The following ZNF677 variants were observed in gnomAD, a reference collection of about 807,000 sequenced individuals.
ZNF677 encodes the protein zinc finger protein 677.
ZNF677 carries 5 observed loss-of-function variants against 8.1 expected under a neutral mutation model. The observed-to-expected ratio is 0.62, with a 90% CI of 0.32 to 1.29. The LOEUF (loss-of-function observed/expected upper bound fraction) is 1.29. Among genes scored for constraint, ZNF677 ranks in the 50% most tolerant of loss-of-function variants. The pLI is 0.05. For synonymous variants in ZNF677, 221 were observed against 225.6 expected, an observed-to-expected ratio of 0.98 and a Z score of 0.18; for missense variants, 685 against 685.9, an observed-to-expected ratio of 1.00 and a Z score of 0.01.
chr19:53,237,959 T>C lies in ZNF677; in HGVS notation c.768A>G (p.Thr256=), dbSNP rs1387066620. 7 of 1,612,418 alleles carry C rather than the reference T, an allele frequency of 4.3e-6. No homozygotes were observed. The South Asian group carries it at 7.7e-5, about 18-fold the overall frequency. ...ACTTGTATGATTTTTCTCTAATGTG[T>C]GTTCTCCCATACTGTGTATGTAATA... The part of the protein sequence containing the change: ...YPLLHTQYGR[T]HIREKSYKCN... The change falls in exon 5 of 5, where the codon ACA becomes ACG. Residue 256 remains threonine (T), a synonymous_variant. Transcript: ENST00000598513.
At chr19:53,251,428 T>C (rs950856902) in intron 3 of ZNF677, 108 bp downstream of exon 3, 23 of 858,920 alleles carry the variant, frequency 2.7e-5, no homozygotes, top group Non-Finnish European at 4.5e-5. Context: ...TGGGTGTGAA[T>C]ATACATATTA....
At chr19:53,254,394 C>T (rs892696551) in intron 1 of ZNF677, among the ~76,000 whole-genome samples, 6 of 152,036 alleles carry the variant, frequency 3.9e-5, no homozygotes, top group African/African-American at 1.2e-4. Flanking sequence ...TTTTCAGTCC[C>T]TGCTATTGTT....
At chr19:53,245,071 T>C (rs2091114760) in intron 3 of ZNF677, among the ~76,000 whole-genome samples, 1 of 152,170 alleles carries the variant, frequency 6.6e-6, no homozygotes, top group Non-Finnish European at 1.5e-5. Context: ...AACTGGATGC[T>C]TATCTTATGC....
intron 3 of ZNF677, among the ~76,000 whole-genome samples, chr19:53,247,506 T>C (rs775405585): frequency 1.7e-4 from 26 of 152,196 alleles, no homozygotes; most frequent in Non-Finnish European, 3.4e-4. Flanking sequence ...TTAGATAATC[T>C]TGGTTTAAAG....
chr19:53,239,259 A>G (rs764218682), intron 4 of ZNF677: 1 of 152,254 alleles, frequency 6.6e-6, no homozygotes, highest in East Asian at 1.9e-4. Flanking sequence ...AGGCAAGTTA[A>G]TGAACAACCA....
chr19:53,242,717 A>G (rs571592480), intron 4 of ZNF677: 1 of 273,130 alleles, frequency 3.7e-6, no homozygotes, highest in South Asian at 1.7e-4. Flanking sequence ...AAATAGGAAT[A>G]GAAATTGAAT....
Position 53,236,902 on chromosome 19 carries a change from T to A in ZNF677, c.*70A>T. ...GTATATTCTGGTATCAAGTGAGACA[T>A]AAGCCATAGCTAAAGGCTTTACCAC... On this transcript the variant is annotated 3_prime_UTR_variant, in exon 5 of 5. Transcript: ENST00000598513. 1.5e-6 allele frequency: 2 copies of A among 1,376,066 alleles called. No homozygotes were observed. The highest frequency in any genetic ancestry group is 2.0e-6 in the Non-Finnish European group (2 of 1,022,444). The allele number at this position is 1,376,066 out of a possible 1,614,324, so 85.2% of individuals were successfully genotyped here. A position where few individuals can be genotyped will look rare whatever the true frequency, so the allele number is the denominator to read the frequency against.
At chr19:53,246,045 G>A (rs188474553) in intron 3 of ZNF677, among the ~76,000 whole-genome samples, 5 of 151,776 alleles carry the variant, frequency 3.3e-5, no homozygotes, top group Non-Finnish European at 7.4e-5. Flanking sequence ...CCGGCTGGGT[G>A]CAGTGGCTCA....
At chr19:53,254,760 C>A (rs2091289325) in intron 1 of ZNF677, 74 bp downstream of exon 1, 1 of 152,634 alleles carries the variant, frequency 6.6e-6, no homozygotes, top group Non-Finnish European at 1.5e-5. Context: ...AGGGCGACCC[C>A]AAAACCCGAC....
intron 4 of ZNF677, 83 bp downstream of exon 4, chr19:53,243,661 A>G (rs777520585): frequency 6.3e-7 from 1 of 1,580,902 alleles, no homozygotes; most frequent in Admixed American, 1.8e-5. Flanking sequence ...CCCTTTTAGA[A>G]CAGGGATCGG....
intron 3 of ZNF677, among the ~76,000 whole-genome samples, chr19:53,251,211 G>C (rs1260511200): frequency 6.6e-6 from 1 of 152,130 alleles, no homozygotes; most frequent in Non-Finnish European, 1.5e-5. Context: ...TTTATAAAGA[G>C]ATGAAAGGGT....
intron 3 of ZNF677, among the ~76,000 whole-genome samples, chr19:53,248,804 T>C (rs1274240086): frequency 1.3e-5 from 2 of 152,210 alleles, no homozygotes; most frequent in Non-Finnish European, 2.9e-5. Context: ...CAATTAAAGT[T>C]CACTGAGTTT....
rs1244911162 is a variant in ZNF677, at chr19:53,235,391, C to T, written c.*1581G>A. On this transcript the variant is annotated 3_prime_UTR_variant, in exon 5 of 5. Transcript: ENST00000598513. The stretch of plus-strand genomic sequence containing the variant: ...AAGGCACACGATTCATTCAGGGTTA[C>T]TAAAAATGATTATATTTTACTAATT... 1.3e-5 allele frequency: 2 copies of T among 152,016 alleles called. No individual in the cohort carries two copies. The highest frequency in any genetic ancestry group is 4.8e-5 in the African/African-American group (2 of 41,384). The allele number at this position is 152,016 out of a possible 1,614,324, so 9.4% of individuals were successfully genotyped here.
At position 53,237,734 on chromosome 19, in the gene ZNF677, A is replaced by C. The variant is rs756078015; in HGVS notation, c.993T>G (p.Asn331Lys). Reference protein sequence around the residue: ...CNICGKVCSQNSNLASHQRMH... With the variant: ...CNICGKVCSQKSNLASHQRMH... ...TCCTCTGATGACTTGCAAGATTTGA[A>C]TTTTGACTACAGACCTTGCCACATA... The change falls in exon 5 of 5, where the codon AAT becomes AAG. Residue 331 changes from asparagine to lysine, a missense_variant. Physicochemically the swap from Asn to Lys is moderately conservative, Grantham distance 94. Transcript: ENST00000598513. 4 of 1,613,648 alleles carry C rather than the reference A, an allele frequency of 2.5e-6. No individual in the cohort carries two copies. The African/African-American group carries it at 5.3e-5, about 22-fold the overall frequency.
At chr19:53,253,317 A>G (rs955580785) in intron 1 of ZNF677, among the ~76,000 whole-genome samples, 161 bp from the exon 2 acceptor site, 14 of 152,242 alleles carry the variant, frequency 9.2e-5, no homozygotes, top group Non-Finnish European at 1.9e-4. Flanking sequence ...AAGTGGTAAA[A>G]GATTATCAAC....
chr19:53,242,598 C>T (rs1471988995), intron 4 of ZNF677: 3 of 393,996 alleles, frequency 7.6e-6, no homozygotes, highest in African/African-American at 6.2e-5. Flanking sequence ...GGCCAAGGGG[C>T]TTGAACAAGT....
intron 3 of ZNF677, among the ~76,000 whole-genome samples, chr19:53,247,387 T>TA (rs35180499): frequency 0.39 from 57,219 of 147,866 alleles, 11,501 homozygotes; most frequent in East Asian, 0.74. Context: ...CTGATGACCT[T>TA]AAAAAAAAAA....
chr19:53,237,454 G>A lies in ZNF677; in HGVS notation c.1273C>T (p.His425Tyr). 1.9e-6 allele frequency: 3 copies of A among 1,613,948 alleles called. No individual in the cohort carries two copies. Among genetic ancestry groups the A allele is most frequent in the Non-Finnish European group, 2.5e-6 (3 of 1,179,982 alleles). The change falls in exon 5 of 5, where the codon CAT becomes TAT. Residue 425 changes from histidine (H) to tyrosine (Y), a missense_variant. By Grantham distance (83) the His-to-Tyr change is moderately conservative. Coordinates refer to ENST00000598513, the MANE Select transcript of ZNF677 (RefSeq NM_182609.4). ...CSHLTRHQNI[H>Y]PGEKPHKCNV... ...CATTTGTGTGGTTTCTCTCCAGGAT[G>A]TATATTCTGATGCCTAGTGAGATGT...
At position 53,235,912 on chromosome 19, in the gene ZNF677, G is replaced by C. The variant is rs1297793128; in HGVS notation, c.*1060C>G. The C allele has an allele frequency of 6.6e-6, 1 of 152,306 alleles. No individual in the cohort carries two copies. The highest frequency in any genetic ancestry group is 1.5e-5 in the Non-Finnish European group (1 of 68,180). 9.4% of individuals were successfully genotyped at this position (152,306 alleles called of 1,614,324 possible). A position where few individuals can be genotyped will look rare whatever the true frequency, so the allele number is the denominator to read the frequency against. ...TATTGTATATTAGTGTTCTTGGCTG[G>C]GCACGGTGGCTCATGCCTGTAATCC... is the stretch of plus-strand genomic sequence containing the variant. On this transcript the variant is annotated 3_prime_UTR_variant, in exon 5 of 5. Transcript: ENST00000598513.
Sources: allele counts gnomAD v4.1 joint callset (sites outside exome capture counted in the v4.1 genomes callset), GRCh38; gene constraint gnomAD v4.1.1; transcripts MANE v1.5; gene names NCBI Gene and HGNC (gene_info 2026-07-23, HGNC 2026-07-21).